The following NAA11 variants were observed in gnomAD, a reference collection of about 807,000 sequenced individuals.
NAA11 encodes N-alpha-acetyltransferase 11, NatA catalytic subunit, also known as N-alpha-acetyltransferase 11.
A neutral mutation model predicts 16.1 loss-of-function variants in NAA11; 15 were observed. The ratio of observed to expected loss-of-function variants is 0.93; its 90% CI spans 0.62 to 1.44. The LOEUF (loss-of-function observed/expected upper bound fraction) is 1.44. Ranked by LOEUF, NAA11 falls within the 40% of genes most tolerant of loss-of-function variation. The pLI is 0.00. For missense variants in NAA11, 298 were observed against 291.3 expected, an observed-to-expected ratio of 1.02 and a Z score of -0.17; for synonymous variants, 122 against 112.4, an observed-to-expected ratio of 1.09 and a Z score of -0.54.
downstream of NAA11, chr4:79,225,677 A>G (rs947580366): frequency 1.3e-5 from 2 of 152,122 alleles, no homozygotes; most frequent in South Asian, 4.1e-4. Context: ...TCTGGCCTAG[A>G]GGACTTAGTG....
chr4:79,155,551 C>T, the NAA11 span, among the ~76,000 whole-genome samples: 1 of 152,164 alleles, frequency 6.6e-6, no homozygotes, highest in Non-Finnish European at 1.5e-5. Context: ...CTAAAAATCT[C>T]ATTTGCATCA....
At chr4:79,238,430 T>C (rs2109959718) in intron 2 of NAA11, among the ~76,000 whole-genome samples, 1 of 152,306 alleles carries the variant, frequency 6.6e-6, no homozygotes, top group South Asian at 2.1e-4. Flanking sequence ...GATTTTGAAG[T>C]ACAACTTATG....
At chr4:79,189,153 A>AAAAAAAAAAAAAAAAC in the NAA11 span, among the ~76,000 whole-genome samples, 11 of 147,170 alleles carry the variant, frequency 7.5e-5, no homozygotes, top group East Asian at 2.0e-3. Flanking sequence ...CTCAAAAAAA[A>AAAAAAAAAAAAAAAAC]AAAAAAAAAA....
chr4:79,325,892 G>A lies in NAA11; in HGVS notation c.-15C>T, dbSNP rs544363023. The A allele has an allele frequency of 3.8e-6, 6 of 1,594,216 alleles. No homozygotes were observed. The East Asian group carries it at 1.3e-4, about 36-fold the overall frequency. ...CGGATGTTCATAATGGCAGAGGGTA[G>A]GGAACCGGTTGGACTGCAGTGAACC... On this transcript the variant is annotated 5_prime_UTR_variant, in exon 1 of 2. Transcript: ENST00000286794.
chr4:79,193,409 TA>T, the NAA11 span, among the ~76,000 whole-genome samples: 2 of 152,160 alleles, frequency 1.3e-5, no homozygotes, highest in Non-Finnish European at 1.5e-5. Flanking sequence ...GTATAAGGTG[TA>T]AAGGAAGGGA....
the NAA11 span, among the ~76,000 whole-genome samples, chr4:79,165,900 G>GTGGCAA: frequency 6.6e-6 from 1 of 152,182 alleles, no homozygotes; most frequent in Non-Finnish European, 1.5e-5. Flanking sequence ...TTGCCTAAAA[G>GTGGCAA]TAAGTGGTAA....
At chr4:79,316,380 T>C (rs907749637), downstream of NAA11, among the ~76,000 whole-genome samples, 3 of 152,194 alleles carry the variant, frequency 2.0e-5, no homozygotes, top group Non-Finnish European at 2.9e-5. Context: ...TCCTTTCATG[T>C]AGGGAAAAAC....
the NAA11 span, among the ~76,000 whole-genome samples, chr4:79,210,723 T>G: frequency 6.6e-6 from 1 of 152,054 alleles, no homozygotes; most frequent in Non-Finnish European, 1.5e-5. Context: ...CGTAAGATGG[T>G]GTTTAAGAAG....
chr4:79,201,954 A>C, the NAA11 span, among the ~76,000 whole-genome samples: 108 of 151,788 alleles, frequency 7.1e-4, no homozygotes, highest in Non-Finnish European at 1.3e-3. Flanking sequence ...ATTGTGGGGT[A>C]CAGTGTGAAG....
chr4:79,207,367 T>TA, the NAA11 span, among the ~76,000 whole-genome samples: 15,285 of 115,844 alleles, frequency 0.13, 1,250 homozygotes, highest in African/African-American at 0.2. Flanking sequence ...TGAATGAGGT[T>TA]AAAAAAAAAA....
chr4:79,190,470 A>ATTTT, the NAA11 span, among the ~76,000 whole-genome samples: 17,366 of 91,580 alleles, frequency 0.19, 1,188 homozygotes, highest in African/African-American at 0.25. Flanking sequence ...TTTTTTTTTA[A>ATTTT]AAAAAGCACA....
chr4:79,183,424 T>C, the NAA11 span, among the ~76,000 whole-genome samples: 3 of 104,268 alleles, frequency 2.9e-5, no homozygotes, highest in Non-Finnish European at 6.5e-5. Context: ...CCTAAAAAGA[T>C]ACAGTATTAC....
chr4:79,310,412 A>ATACT (rs1256413870), intron 1 of NAA11, among the ~76,000 whole-genome samples: 3 of 152,246 alleles, frequency 2.0e-5, no homozygotes, highest in African/African-American at 7.2e-5. Context: ...AAGCAACCTT[A>ATACT]TACTTACACC....
At chr4:79,291,560 A>G (rs1359038918) in intron 2 of NAA11, among the ~76,000 whole-genome samples, 3 of 152,082 alleles carry the variant, frequency 2.0e-5, no homozygotes, top group African/African-American at 4.8e-5. Flanking sequence ...CCCTGTCTCT[A>G]CTAAAAATAC....
At chr4:79,245,822 C>T (rs879087383) in intron 2 of NAA11, among the ~76,000 whole-genome samples, 37 of 152,170 alleles carry the variant, frequency 2.4e-4, no homozygotes, top group African/African-American at 7.7e-4. Flanking sequence ...TCTGCCCGGC[C>T]GCCACGTCTG....
In NAA11 at chr4:79,325,611, C is replaced by G; in HGVS notation, c.267G>C (p.Lys89Asn). 1.2e-6 allele frequency: 2 copies of G among 1,614,092 alleles called. No individual in the cohort carries two copies. Among genetic ancestry groups the G allele is most frequent in the Non-Finnish European group, 1.7e-6 (2 of 1,179,948 alleles). The part of the protein sequence containing the change: ...RSHRRLGLAQ[K>N]LMDQASRAMI... ...TGGCCCTGGAGGCCTGGTCCATCAGCTTCTGGGCCAGGCCGAGGCGCCGGT... is the reference window on the plus strand; with the variant it reads ...TGGCCCTGGAGGCCTGGTCCATCAGGTTCTGGGCCAGGCCGAGGCGCCGGT... Residue 89 changes from lysine to asparagine, a missense_variant, in exon 1 of 2, where the codon AAG (lysine) becomes AAC (asparagine). Coordinates refer to ENST00000286794, the MANE Select transcript of NAA11 (RefSeq NM_032693.3).
At chr4:79,219,478 G>A in the NAA11 span, among the ~76,000 whole-genome samples, 56 of 152,108 alleles carry the variant, frequency 3.7e-4, no homozygotes, top group South Asian at 5.2e-3. Context: ...TTTATTATCC[G>A]TAACCACTAT....
chr4:79,204,333 A>G, the NAA11 span, among the ~76,000 whole-genome samples: 4 of 151,942 alleles, frequency 2.6e-5, no homozygotes, highest in Non-Finnish European at 5.9e-5. Context: ...ATAAAATTAT[A>G]GATAATATTT....
At chr4:79,260,935 T>A (rs1722233708) in intron 2 of NAA11, among the ~76,000 whole-genome samples, 1 of 152,238 alleles carries the variant, frequency 6.6e-6, no homozygotes, top group African/African-American at 2.4e-5. Context: ...AAATATTACA[T>A]CTATGGTGTT....
Sources: allele counts gnomAD v4.1 joint callset (sites outside exome capture counted in the v4.1 genomes callset), GRCh38; gene constraint gnomAD v4.1.1; transcripts MANE v1.5; gene names NCBI Gene and HGNC (gene_info 2026-07-23, HGNC 2026-07-21).